The following WWOX variants were observed in gnomAD, a reference collection of about 807,000 sequenced individuals.
The protein encoded by WWOX is WW domain containing oxidoreductase.
Under a neutral mutation model 46.2 loss-of-function variants are expected in WWOX, and 69 were observed. That is an observed-to-expected ratio of 1.49 (90% CI 1.23 to 1.82). The LOEUF is 1.82. Ranked by LOEUF, WWOX falls within the 40% of genes most tolerant of loss-of-function variation. The pLI, the probability that WWOX is intolerant of heterozygous loss-of-function variation, is 0.00. For synonymous variants in WWOX, 359 were observed against 202.6 expected (o/e 1.77, Z -6.56); for missense variants, 919 against 542.6 (o/e 1.69, Z -6.89).
chr16:78,876,518 G>C (rs1051511743), intron 8 of WWOX, among the ~76,000 whole-genome samples: 1 of 147,496 alleles, frequency 6.8e-6, no homozygotes, highest in African/African-American at 2.5e-5. Context: ...CTGCTGTCTT[G>C]TGAATGTCAA....
chr16:78,255,493 G>A (rs748145655), intron 5 of WWOX, among the ~76,000 whole-genome samples: 1 of 152,204 alleles, frequency 6.6e-6, no homozygotes, highest in Non-Finnish European at 1.5e-5. Context: ...AGCAAAGAGA[G>A]AGGTAGCTGC....
chr16:78,910,499 A>G (rs1412085695), intron 8 of WWOX, among the ~76,000 whole-genome samples: 2 of 92,282 alleles, frequency 2.2e-5, no homozygotes, highest in Non-Finnish European at 4.6e-5. Context: ...GTGTATCAGG[A>G]TCTTTTGTTT....
chr16:78,663,217 A>G (rs536535987), intron 8 of WWOX, among the ~76,000 whole-genome samples: 1 of 152,154 alleles, frequency 6.6e-6, no homozygotes, highest in African/African-American at 2.4e-5. Flanking sequence ...GACTTTACCT[A>G]TTTCGGGTAA....
At chr16:78,896,964 A>T (rs1398629129) in intron 8 of WWOX, 1 of 152,100 alleles carries the variant, frequency 6.6e-6, no homozygotes, top group African/African-American at 2.4e-5. Flanking sequence ...TCAGTGGATC[A>T]TGCTTGTAAT....
At chr16:78,555,656 C>G (rs1261915508) in intron 8 of WWOX, among the ~76,000 whole-genome samples, 1 of 148,468 alleles carries the variant, frequency 6.7e-6, no homozygotes, top group Non-Finnish European at 1.5e-5. Flanking sequence ...CTTTAGTCCT[C>G]TTATGAGCAA....
At chr16:78,189,189 C>G (rs2035803140) in intron 5 of WWOX, among the ~76,000 whole-genome samples, 1 of 152,150 alleles carries the variant, frequency 6.6e-6, no homozygotes, top group South Asian at 2.1e-4. Flanking sequence ...CTAGGAATAC[C>G]TAGATTCCAG....
intron 4 of WWOX, among the ~76,000 whole-genome samples, chr16:78,120,335 C>T (rs1194426950): frequency 6.6e-6 from 1 of 152,160 alleles, no homozygotes; most frequent in Admixed American, 6.5e-5. Flanking sequence ...CTTTGAGAGG[C>T]CGAGGCGGGT....
chr16:78,258,274 C>T (rs1320513433), intron 5 of WWOX, among the ~76,000 whole-genome samples: 1 of 152,134 alleles, frequency 6.6e-6, no homozygotes, highest in Non-Finnish European at 1.5e-5. Context: ...CCAGCAAATT[C>T]TACCGTATAT....
intron 8 of WWOX, among the ~76,000 whole-genome samples, chr16:78,774,606 T>A (rs530218075): frequency 1.3e-5 from 2 of 151,604 alleles, no homozygotes; most frequent in East Asian, 3.9e-4. Flanking sequence ...TAGCATAAGG[T>A]AGTTCCTGGC....
intron 8 of WWOX, among the ~76,000 whole-genome samples, chr16:79,064,468 C>T (rs746922016): frequency 2.0e-5 from 3 of 152,150 alleles, no homozygotes; most frequent in African/African-American, 7.2e-5. Flanking sequence ...ACCCATGCGT[C>T]GTCATCATCA....
chr16:78,309,795 G>C (rs570619550), intron 5 of WWOX, among the ~76,000 whole-genome samples: 1 of 152,340 alleles, frequency 6.6e-6, no homozygotes, highest in African/African-American at 2.4e-5. Flanking sequence ...ACCCAGCAGT[G>C]TCTGTCTTGT....
chr16:78,943,865 G>T (rs975908979), intron 8 of WWOX, among the ~76,000 whole-genome samples: 4 of 152,174 alleles, frequency 2.6e-5, no homozygotes, highest in Non-Finnish European at 4.4e-5. Context: ...GCTTCTGGAA[G>T]TGTGGTATGT....
In WWOX at chr16:78,939,653, A is replaced by G. The variant is rs564976018; in HGVS notation, c.1057-271955A>G. ...TTCAATGATCAAATATCGAATTATTAAAAATTATCAAAAGGAAGTTCCCTG... is the reference window on the plus strand; with the variant it reads ...TTCAATGATCAAATATCGAATTATTGAAAATTATCAAAAGGAAGTTCCCTG... On this transcript the variant is annotated intron_variant, in intron 8 of 8. Transcript: ENST00000566780. Among the ~76,000 whole-genome samples, 4 of 152,392 alleles carry G rather than the reference A, an allele frequency of 2.6e-5. No individual in the cohort carries two copies. In the South Asian group the frequency reaches 8.3e-4, roughly 32 times the overall value.
rs1424635632 is a variant in WWOX at position 78,339,174 on chromosome 16, A to G, written c.517-47686A>G. ...TTAAGAAGACAGTTTTTTTTGTTTA[A>G]ATTGTTATAAATAAGTAAGTGTATG... On this transcript the variant is annotated intron_variant, in intron 5 of 8. Transcript: ENST00000566780. Among the ~76,000 whole-genome samples, 2 of 118,940 alleles carry G rather than the reference A, an allele frequency of 1.7e-5. 1 individual carries two copies. The highest frequency in any genetic ancestry group is 4.0e-5 in the Non-Finnish European group (2 of 49,994). The allele number at this position is 118,940 out of a possible 152,430, so 78.0% of individuals were successfully genotyped here. A position where few individuals can be genotyped will look rare whatever the true frequency, so the allele number is the denominator to read the frequency against.
At chr16:78,862,636 G>A (rs910651383) in intron 8 of WWOX, among the ~76,000 whole-genome samples, 14 of 152,074 alleles carry the variant, frequency 9.2e-5, no homozygotes, top group African/African-American at 3.1e-4. Flanking sequence ...TGAGAAGCAG[G>A]AGATAAAAAG....
intron 4 of WWOX, among the ~76,000 whole-genome samples, chr16:78,118,793 A>G (rs1448903358): frequency 7.2e-5 from 11 of 152,194 alleles, no homozygotes; most frequent in Admixed American, 6.5e-5. Context: ...AATTTAGGCA[A>G]ATGGAATGCC....
chr16:78,461,884 C>T (rs1447463719), intron 8 of WWOX, among the ~76,000 whole-genome samples: 3 of 152,182 alleles, frequency 2.0e-5, no homozygotes, highest in African/African-American at 7.2e-5. Flanking sequence ...GGCAGTTTCC[C>T]CAGCATTTAA....
At chr16:78,577,781 C>T (rs2044926018) in intron 8 of WWOX, among the ~76,000 whole-genome samples, 1 of 152,144 alleles carries the variant, frequency 6.6e-6, no homozygotes, top group African/African-American at 2.4e-5. Context: ...TGCGAACGAT[C>T]TGTTGCTAGG....
At chr16:78,695,961 G>C (rs1451679926) in intron 8 of WWOX, among the ~76,000 whole-genome samples, 1 of 152,186 alleles carries the variant, frequency 6.6e-6, no homozygotes. Flanking sequence ...TAGAGATGCA[G>C]ATCTTGGGCC....
Sources: allele counts gnomAD v4.1 joint callset (sites outside exome capture counted in the v4.1 genomes callset), GRCh38; gene constraint gnomAD v4.1.1; transcripts MANE v1.5; gene names NCBI Gene and HGNC (gene_info 2026-07-23, HGNC 2026-07-21).